Variants in BTBD9 observed in about 807,000 individuals in gnomAD.
BTBD9 encodes the protein BTB domain containing 9, also known as BTB/POZ domain-containing protein 9.
Under a neutral mutation model 64.3 loss-of-function variants are expected in BTBD9, and 49 were observed. That is an observed-to-expected ratio of 0.76 (90% CI 0.61 to 0.97). The LOEUF (loss-of-function observed/expected upper bound fraction) is 0.97, where lower values mean the gene tolerates loss of function less well. BTBD9 is among the 50% of genes least tolerant of loss of function. The pLI, the probability that BTBD9 is intolerant of heterozygous loss-of-function variation, is 0.00. For synonymous variants in BTBD9, 260 were observed against 274.7 expected (o/e 0.95, Z 0.53); for missense variants, 598 against 762.1 (o/e 0.78, Z 2.53).
intron 10 of BTBD9, among the ~76,000 whole-genome samples, chr6:38,190,482 A>AC (rs1762025051): frequency 6.6e-6 from 1 of 151,582 alleles, no homozygotes; most frequent in Non-Finnish European, 1.5e-5. Flanking sequence ...AAAAAAAAAA[A>AC]AAAAAAAAGA....
intron 9 of BTBD9, among the ~76,000 whole-genome samples, chr6:38,215,531 A>G (rs1365343608): frequency 1.3e-5 from 2 of 152,194 alleles, no homozygotes; most frequent in East Asian, 3.9e-4. Flanking sequence ...GCACATACCC[A>G]TTGGCTTTCT....
intron 6 of BTBD9, among the ~76,000 whole-genome samples, chr6:38,457,633 G>A (rs1330972269): frequency 1.3e-5 from 2 of 152,112 alleles, no homozygotes; most frequent in Admixed American, 1.3e-4. Context: ...AGATGCCTAA[G>A]AGATAGTACA....
rs1766639113 is a variant in BTBD9 at position 38,169,054 on chromosome 6, C to T, written c.*5931G>A. The T allele has an allele frequency of 6.6e-6, 1 of 152,394 alleles. No homozygotes were observed. Among genetic ancestry groups the T allele is most frequent in the Non-Finnish European group, 1.5e-5 (1 of 68,232 alleles). 9.4% of individuals were successfully genotyped at this position (152,394 alleles called of 1,614,324 possible). On this transcript the variant is annotated 3_prime_UTR_variant, in exon 11 of 11. Transcript: ENST00000481247. ...TGGAGAGCCTTGGGGAGAGATCAGGCCCCACAGACCTGGAAGCTCTGCCCC... is the reference window on the plus strand; with the variant it reads ...TGGAGAGCCTTGGGGAGAGATCAGGTCCCACAGACCTGGAAGCTCTGCCCC...
intron 8 of BTBD9, among the ~76,000 whole-genome samples, chr6:38,282,232 C>T (rs759957434): frequency 3.3e-5 from 5 of 152,152 alleles, no homozygotes; most frequent in African/African-American, 4.8e-5. Context: ...GATATAATTA[C>T]TATTCAATTA....
chr6:38,554,977 G>A (rs1359146527), intron 6 of BTBD9, among the ~76,000 whole-genome samples: 2 of 152,308 alleles, frequency 1.3e-5, no homozygotes, highest in African/African-American at 4.8e-5. Flanking sequence ...TAACATCAAA[G>A]CTATGGGTGA....
At chr6:38,391,805 CCCGAACAGGCAGCTGGGT>C (rs1435061275) in intron 6 of BTBD9, among the ~76,000 whole-genome samples, 1 of 152,150 alleles carries the variant, frequency 6.6e-6, no homozygotes, top group Non-Finnish European at 1.5e-5. Context: ...GCAGGTGGCT[CCCGAACAGGCAGCTGGGT>C]TTTTGCTCCT....
At chr6:38,544,787 C>T (rs923011521) in intron 6 of BTBD9, among the ~76,000 whole-genome samples, 2 of 151,548 alleles carry the variant, frequency 1.3e-5, no homozygotes, top group Non-Finnish European at 2.9e-5. Context: ...ATTAGCCGGG[C>T]GTGGTGGTGG....
chr6:38,603,471 T>C (rs1172443128), intron 1 of BTBD9, among the ~76,000 whole-genome samples: 3 of 152,248 alleles, frequency 2.0e-5, no homozygotes, highest in East Asian at 1.9e-4. Context: ...GAGTACCATA[T>C]GTAGTTCATA....
chr6:38,605,943 A>G (rs1383738699), intron 1 of BTBD9, among the ~76,000 whole-genome samples: 2 of 152,218 alleles, frequency 1.3e-5, no homozygotes, highest in Non-Finnish European at 2.9e-5. Context: ...AGGCAGACCT[A>G]CCCTCAATCT....
chr6:38,553,700 A>C (rs1385768069), intron 6 of BTBD9, among the ~76,000 whole-genome samples: 1 of 152,178 alleles, frequency 6.6e-6, no homozygotes, highest in Admixed American at 6.5e-5. Context: ...AACTTAAAAG[A>C]TCTTTGACTA....
At chr6:38,195,458 G>C (rs1262523517) in intron 9 of BTBD9, among the ~76,000 whole-genome samples, 2 of 152,198 alleles carry the variant, frequency 1.3e-5, no homozygotes, top group African/African-American at 2.4e-5. Context: ...GCTGAGAGGA[G>C]GGTGTTTGAA....
At chr6:38,473,764 T>C (rs1770754762) in intron 6 of BTBD9, among the ~76,000 whole-genome samples, 3 of 152,152 alleles carry the variant, frequency 2.0e-5, no homozygotes, top group African/African-American at 4.8e-5. Context: ...AAAGATATAA[T>C]AATAAATTGT....
intron 6 of BTBD9, among the ~76,000 whole-genome samples, chr6:38,410,158 A>G (rs2127256589): frequency 6.6e-6 from 1 of 152,298 alleles, no homozygotes; most frequent in Middle Eastern, 3.4e-3. Flanking sequence ...TCTATCTCTT[A>G]TATCTTAGAA....
At chr6:38,206,961 G>A (rs1762676839) in intron 9 of BTBD9, among the ~76,000 whole-genome samples, 1 of 152,198 alleles carries the variant, frequency 6.6e-6, no homozygotes, top group African/African-American at 2.4e-5. Context: ...ATTGCCAGAG[G>A]AAGTACAAGT....
intron 6 of BTBD9, among the ~76,000 whole-genome samples, chr6:38,402,485 C>T (rs1766975473): frequency 6.6e-6 from 1 of 152,142 alleles, no homozygotes; most frequent in Non-Finnish European, 1.5e-5. Flanking sequence ...TAAGGGTAGA[C>T]ATATAAACCA....
At chr6:38,573,850 G>A (rs542191158) in intron 6 of BTBD9, among the ~76,000 whole-genome samples, 1 of 152,234 alleles carries the variant, frequency 6.6e-6, no homozygotes, top group East Asian at 1.9e-4. Context: ...AGTGTTTTCT[G>A]TTTAGTACTA....
rs909271139 is a variant in BTBD9 at position 38,619,689 on chromosome 6, A to G, written c.-28+20111T>C. On this transcript the variant is annotated intron_variant, in intron 1 of 10. Transcript: ENST00000481247. The stretch of plus-strand genomic sequence containing the variant: ...TTAATCATTGAGGGCCAGGAAATTG[A>G]CTGTCTCCTGGACACTGGCACAGCT... Among the ~76,000 whole-genome samples, 7 of 152,254 alleles carry G rather than the reference A, an allele frequency of 4.6e-5. No homozygotes were observed. In the South Asian group the frequency reaches 1.0e-3, roughly 23 times the overall value.
At chr6:38,606,160 G>A (rs1269344924) in intron 1 of BTBD9, among the ~76,000 whole-genome samples, 4 of 152,170 alleles carry the variant, frequency 2.6e-5, no homozygotes, top group Non-Finnish European at 4.4e-5. Context: ...ACTGAAGGCT[G>A]CGCTGTCGGG....
intron 6 of BTBD9, among the ~76,000 whole-genome samples, chr6:38,395,908 A>G (rs1456142681): frequency 1.3e-5 from 2 of 151,938 alleles, no homozygotes; most frequent in African/African-American, 4.8e-5. Flanking sequence ...ATGGGGTTTC[A>G]CCATGTTAGC....
Sources: allele counts gnomAD v4.1 joint callset (sites outside exome capture counted in the v4.1 genomes callset), GRCh38; gene constraint gnomAD v4.1.1; transcripts MANE v1.5; gene names NCBI Gene and HGNC (gene_info 2026-07-23, HGNC 2026-07-21).